The following CERS6 variants were observed in gnomAD, a reference collection of about 807,000 sequenced individuals.
CERS6 encodes LAG1 homolog, ceramide synthase 6.
A neutral mutation model predicts 56.8 loss-of-function variants in CERS6; 26 were observed. The ratio of observed to expected loss-of-function variants is 0.46; its 90% CI spans 0.34 to 0.63. The LOEUF (loss-of-function observed/expected upper bound fraction) is 0.63. Ranked by LOEUF, CERS6 falls within the 30% of genes least tolerant of loss-of-function variation. The pLI, the probability that CERS6 is intolerant of heterozygous loss-of-function variation, is 0.01. For synonymous variants in CERS6, 164 were observed against 173.3 expected (o/e 0.95, Z 0.42); for missense variants, 415 against 467.5 (o/e 0.89, Z 1.04).
At chr2:168,507,919 G>T (rs1038594802) in intron 1 of CERS6, among the ~76,000 whole-genome samples, 5 of 151,752 alleles carry the variant, frequency 3.3e-5, no homozygotes. Flanking sequence ...GTTGCTAACT[G>T]TGCCTTAAGC....
intron 3 of CERS6, among the ~76,000 whole-genome samples, chr2:168,578,045 A>G (rs1196375966): frequency 6.6e-6 from 1 of 152,138 alleles, no homozygotes; most frequent in African/African-American, 2.4e-5. Context: ...GTGATGAATC[A>G]CTATAGGAAT....
chr2:168,723,122 C>T (rs1421968450), intron 8 of CERS6, among the ~76,000 whole-genome samples: 2 of 152,220 alleles, frequency 1.3e-5, no homozygotes, highest in Non-Finnish European at 2.9e-5. Context: ...GAATCCCTTG[C>T]TTTGCTTTTT....
intron 8 of CERS6, among the ~76,000 whole-genome samples, chr2:168,745,804 G>T (rs1684081868): frequency 1.3e-5 from 2 of 152,208 alleles, no homozygotes; most frequent in Non-Finnish European, 2.9e-5. Context: ...GCGCTTCAGG[G>T]AGAGTGGGCG....
intron 1 of CERS6, among the ~76,000 whole-genome samples, chr2:168,526,071 A>C (rs1329331565): frequency 3.3e-5 from 5 of 149,712 alleles, no homozygotes; most frequent in Non-Finnish European, 7.5e-5. Flanking sequence ...ATAAATCAAG[A>C]GAATACTAAT....
intron 1 of CERS6, among the ~76,000 whole-genome samples, chr2:168,510,335 A>G (rs1376388964): frequency 2.0e-5 from 3 of 152,220 alleles, no homozygotes; most frequent in Non-Finnish European, 4.4e-5. Context: ...TAAGTGCCCT[A>G]TAAACAGATG....
intron 1 of CERS6, among the ~76,000 whole-genome samples, chr2:168,533,205 T>C (rs6742815): frequency 0.18 from 26,769 of 152,226 alleles, 2,726 homozygotes; most frequent in Middle Eastern, 0.23. Context: ...ATCAGGGATA[T>C]TGGCCTGAAA....
At chr2:168,478,517 A>T (rs563364993) in intron 1 of CERS6, among the ~76,000 whole-genome samples, 4 of 152,192 alleles carry the variant, frequency 2.6e-5, no homozygotes, top group African/African-American at 9.6e-5. Context: ...AAGCCTCTCT[A>T]CTCAAAGTGT....
intron 4 of CERS6, among the ~76,000 whole-genome samples, chr2:168,638,584 A>T (rs879404873): frequency 1.3e-5 from 2 of 152,228 alleles, no homozygotes; most frequent in Non-Finnish European, 2.9e-5. Flanking sequence ...ATATACTTTG[A>T]CATTGTCCAT....
intron 4 of CERS6, among the ~76,000 whole-genome samples, chr2:168,684,679 A>G (rs1445704133): frequency 6.6e-6 from 1 of 152,228 alleles, no homozygotes; most frequent in African/African-American, 2.4e-5. Flanking sequence ...CACACTTGCT[A>G]TGACTGAGCT....
intron 1 of CERS6, among the ~76,000 whole-genome samples, chr2:168,484,109 C>T (rs889150265): frequency 2.0e-5 from 3 of 146,712 alleles, no homozygotes; most frequent in Non-Finnish European, 3.0e-5. Context: ...TCACTGAATA[C>T]AACAAAAATG....
chr2:168,701,480 T>C (rs1433803071), intron 6 of CERS6, among the ~76,000 whole-genome samples: 1 of 152,180 alleles, frequency 6.6e-6, no homozygotes, highest in African/African-American at 2.4e-5. Flanking sequence ...GAAGTAATCA[T>C]GGGCAAAATT....
intron 4 of CERS6, among the ~76,000 whole-genome samples, chr2:168,670,308 A>G (rs1313178984): frequency 1.3e-5 from 2 of 152,140 alleles, no homozygotes; most frequent in South Asian, 2.1e-4. Context: ...TCATTTTCCA[A>G]CTTACCAGAG....
chr2:168,646,989 T>C (rs1308350165), intron 4 of CERS6, among the ~76,000 whole-genome samples: 1 of 152,236 alleles, frequency 6.6e-6, no homozygotes, highest in Non-Finnish European at 1.5e-5. Flanking sequence ...TTGTTCTTTT[T>C]GCTTAGGACT....
intron 1 of CERS6, among the ~76,000 whole-genome samples, chr2:168,534,637 C>T (rs1172728546): frequency 6.6e-6 from 1 of 152,148 alleles, no homozygotes; most frequent in African/African-American, 2.4e-5. Context: ...GGGGCACCAA[C>T]CTCAAGCCAG....
At chr2:168,680,253 C>T (rs537316925) in intron 4 of CERS6, among the ~76,000 whole-genome samples, 2 of 152,228 alleles carry the variant, frequency 1.3e-5, no homozygotes, top group East Asian at 1.9e-4. Flanking sequence ...TGGACTTAGT[C>T]GTGCACGGTC....
chr2:168,552,554 A>G (rs1178610482), intron 2 of CERS6, among the ~76,000 whole-genome samples: 1 of 152,134 alleles, frequency 6.6e-6, no homozygotes, highest in East Asian at 1.9e-4. Context: ...GTGTGTCTGG[A>G]GGGCCGTGTG....
At chr2:168,539,650 CT>C (rs1460836841) in intron 1 of CERS6, among the ~76,000 whole-genome samples, 1 of 152,172 alleles carries the variant, frequency 6.6e-6, no homozygotes, top group African/African-American at 2.4e-5. Context: ...TGCATATTAG[CT>C]TTCAAAATCA....
chr2:168,489,613 T>A (rs1223091809), intron 1 of CERS6, among the ~76,000 whole-genome samples: 1 of 152,056 alleles, frequency 6.6e-6, no homozygotes, highest in Non-Finnish European at 1.5e-5. Context: ...TTTCACTGAC[T>A]CTTCAAGTTC....
chr2:168,609,241 C>T (rs74993576), intron 3 of CERS6, among the ~76,000 whole-genome samples: 2,604 of 152,270 alleles, frequency 0.017, 101 homozygotes, highest in East Asian at 0.16. Context: ...GGGATCCTCC[C>T]GCTTCAGCCT....
Sources: allele counts gnomAD v4.1 joint callset (sites outside exome capture counted in the v4.1 genomes callset), GRCh38; gene constraint gnomAD v4.1.1; transcripts MANE v1.5; gene names NCBI Gene and HGNC (gene_info 2026-07-23, HGNC 2026-07-21).